Variants in NCOA3 observed in about 807,000 individuals in gnomAD.
NCOA3 encodes the protein CBP-interacting protein.
A neutral mutation model predicts 158.8 loss-of-function variants in NCOA3; 51 were observed. The observed-to-expected ratio is 0.32, with a 90% CI of 0.26 to 0.41. NCOA3 has a LOEUF of 0.41. Among genes scored for constraint, NCOA3 ranks in the 10% least tolerant of loss-of-function variants. The pLI is 1.00. For synonymous variants in NCOA3, 537 were observed against 592.4 expected (o/e 0.91, Z 1.36); for missense variants, 1,510 against 1,746.6 (o/e 0.86, Z 2.41).
At chr20:47,531,321 C>T (rs1347580755) in intron 1 of NCOA3, among the ~76,000 whole-genome samples, 2 of 148,252 alleles carry the variant, frequency 1.3e-5, no homozygotes, top group East Asian at 2.0e-4. Context: ...CCAGCCTGGG[C>T]GACGGAGCGA....
chr20:47,649,121 A>G lies in NCOA3; in HGVS notation c.3651+12A>G, dbSNP rs771707686. The G allele has an allele frequency of 8.9e-6, 14 of 1,571,906 alleles. No homozygotes were observed. The highest frequency in any genetic ancestry group is 9.6e-6 in the Non-Finnish European group (11 of 1,143,878). On this transcript the variant is annotated intron_variant, in intron 19 of 22. Coordinates refer to ENST00000371998, the MANE Select transcript of NCOA3 (RefSeq NM_181659.3). ...AGGTGAGCTCCCAGGTGAGGATGAT[A>G]AGCCTCTCCACATGCATTGCTCTGT...
chr20:47,543,928 T>C (rs2084784727), intron 1 of NCOA3, among the ~76,000 whole-genome samples: 1 of 152,242 alleles, frequency 6.6e-6, no homozygotes, highest in Non-Finnish European at 1.5e-5. Flanking sequence ...GTTGGTTTAC[T>C]AGTATTCTCC....
At chr20:47,537,286 A>T (rs1026508282) in intron 1 of NCOA3, among the ~76,000 whole-genome samples, 3 of 152,184 alleles carry the variant, frequency 2.0e-5, no homozygotes, top group Non-Finnish European at 2.9e-5. Flanking sequence ...TACGTTCTTT[A>T]CTTGTAGCGT....
chr20:47,640,190 G>A (rs1241157691), intron 16 of NCOA3, 139 bp downstream of exon 16: 16 of 1,076,410 alleles, frequency 1.5e-5, no homozygotes, highest in South Asian at 8.8e-5. Flanking sequence ...GGCATTTCTC[G>A]TGTAACTCTG....
intron 2 of NCOA3, among the ~76,000 whole-genome samples, chr20:47,590,850 C>G (rs536768684): frequency 1.5e-4 from 23 of 152,222 alleles, no homozygotes; most frequent in Admixed American, 1.1e-3. Context: ...TGGCTCATAC[C>G]TGTAGTCCCA....
At chr20:47,556,278 GT>G (rs1161909029) in intron 1 of NCOA3, among the ~76,000 whole-genome samples, 1 of 152,156 alleles carries the variant, frequency 6.6e-6, no homozygotes. Context: ...TAACCAGGTT[GT>G]TTTGGAACAA....
chr20:47,564,282 T>A (rs945628994), intron 1 of NCOA3, among the ~76,000 whole-genome samples: 1 of 152,168 alleles, frequency 6.6e-6, no homozygotes, highest in African/African-American at 2.4e-5. Flanking sequence ...TTTTTTCAAT[T>A]ATTGTAGCAT....
chr20:47,523,135 G>A (rs536408371), intron 1 of NCOA3, among the ~76,000 whole-genome samples: 28 of 152,286 alleles, frequency 1.8e-4, no homozygotes, highest in Non-Finnish European at 1.6e-4. Flanking sequence ...GCAGTGAGCC[G>A]AGATCGCGCC....
In NCOA3 at chr20:47,535,955, T is replaced by G. The variant is rs116661681; in HGVS notation, c.-99+33936T>G. 7.8e-4 allele frequency among the ~76,000 whole-genome samples: 118 copies of G among 152,170 alleles called. 1 individual carries two copies. Among genetic ancestry groups the G allele is most frequent in the African/African-American group, 2.8e-3 (115 of 41,536 alleles). ...CGACCACCCCCTATCAAATTCTGCA[T>G]CAACTTAAATGTAGATGGCTGGCTG... On this transcript the variant is annotated intron_variant, in intron 1 of 22. Coordinates refer to ENST00000371998, the MANE Select transcript of NCOA3 (RefSeq NM_181659.3).
At chr20:47,565,068 G>A (rs991441596) in intron 1 of NCOA3, among the ~76,000 whole-genome samples, 4 of 152,116 alleles carry the variant, frequency 2.6e-5, no homozygotes, top group African/African-American at 9.7e-5. Flanking sequence ...TGCAACCTCT[G>A]CCTCGTGGGT....
chr20:47,583,328 C>A, intron 2 of NCOA3, 67 bp downstream of exon 2: 1 of 396,986 alleles, frequency 2.5e-6, no homozygotes, highest in Non-Finnish European at 4.4e-6. Flanking sequence ...AAGATATTAC[C>A]CTCCTCTTTA....
chr20:47,554,337 C>T (rs1475346432), intron 1 of NCOA3, among the ~76,000 whole-genome samples: 1 of 151,956 alleles, frequency 6.6e-6, no homozygotes, highest in Non-Finnish European at 1.5e-5. Context: ...AATTTTCTCC[C>T]ATTCTGTAGG....
At chr20:47,584,448 C>T (rs532649106) in intron 2 of NCOA3, among the ~76,000 whole-genome samples, 43 of 152,012 alleles carry the variant, frequency 2.8e-4, no homozygotes, top group African/African-American at 9.9e-4. Flanking sequence ...GGTGAAGCTC[C>T]GTCTCTACTA....
At chr20:47,570,216 G>A (rs2085269695) in intron 1 of NCOA3, among the ~76,000 whole-genome samples, 1 of 152,080 alleles carries the variant, frequency 6.6e-6, no homozygotes, top group African/African-American at 2.4e-5. Flanking sequence ...CCCAGCAGGC[G>A]GATTGCTTGA....
chr20:47,527,819 G>A (rs541992459), intron 1 of NCOA3, among the ~76,000 whole-genome samples: 1 of 152,286 alleles, frequency 6.6e-6, no homozygotes, highest in South Asian at 2.1e-4. Context: ...TGGTAGATAT[G>A]TAGTGGTATC....
At chr20:47,617,953 G>C (rs2086166041) in intron 2 of NCOA3, among the ~76,000 whole-genome samples, 1 of 152,110 alleles carries the variant, frequency 6.6e-6, no homozygotes, top group South Asian at 2.1e-4. Flanking sequence ...ACCCAAGATA[G>C]AGACTGGACA....
intron 4 of NCOA3, among the ~76,000 whole-genome samples, chr20:47,625,162 T>C (rs1272185368): frequency 6.6e-6 from 1 of 152,192 alleles, no homozygotes; most frequent in African/African-American, 2.4e-5. Context: ...GTACATTTAG[T>C]AGTGAAATGA....
chr20:47,642,851 C>G (rs1602534140), intron 17 of NCOA3, among the ~76,000 whole-genome samples: 1 of 152,212 alleles, frequency 6.6e-6, no homozygotes, highest in East Asian at 1.9e-4. Flanking sequence ...GTTTACATAC[C>G]CCGCCTTATG....
At chr20:47,547,871 A>G (rs755370963) in intron 1 of NCOA3, among the ~76,000 whole-genome samples, 3 of 151,180 alleles carry the variant, frequency 2.0e-5, no homozygotes, top group Admixed American at 6.6e-5. Flanking sequence ...GCCTGCCACC[A>G]CCCCCTGCTA....
Sources: allele counts gnomAD v4.1 joint callset (sites outside exome capture counted in the v4.1 genomes callset), GRCh38; gene constraint gnomAD v4.1.1; transcripts MANE v1.5; gene names NCBI Gene and HGNC (gene_info 2026-07-23, HGNC 2026-07-21).